PTPRO: variants seen among roughly 807,000 people sequenced by gnomAD.
PTPRO encodes the protein receptor-type tyrosine-protein phosphatase O.
A neutral mutation model predicts 145.2 loss-of-function variants in PTPRO; 62 were observed. The ratio of observed to expected loss-of-function variants is 0.43; its 90% confidence interval spans 0.35 to 0.53. The LOEUF (loss-of-function observed/expected upper bound fraction) is 0.53, where lower values mean the gene tolerates loss of function less well. Ranked by LOEUF, PTPRO falls within the 20% of genes least tolerant of loss-of-function variation. The pLI, the probability that PTPRO is intolerant of heterozygous loss-of-function variation, is 0.01. For missense variants in PTPRO, 1,345 were observed against 1,482.7 expected (o/e 0.91, Z 1.53); for synonymous variants, 565 against 514.7 (o/e 1.10, Z -1.32).
chr12:15,557,384 C>T, intron 15 of PTPRO, 71 bp from the exon 16 acceptor site: 1 of 1,347,812 alleles, frequency 7.4e-7, no homozygotes, highest in East Asian at 2.3e-5. Flanking sequence ...TAAAGACTCT[C>T]TTTACTTTTA....
intron 12 of PTPRO, among the ~76,000 whole-genome samples, chr12:15,528,698 C>T (rs1440944738): frequency 6.6e-6 from 1 of 151,836 alleles, no homozygotes; most frequent in Admixed American, 6.6e-5. Context: ...CAAACAGATA[C>T]CACTCAAATA....
intron 1 of PTPRO, among the ~76,000 whole-genome samples, chr12:15,353,514 C>T (rs557756270): frequency 8.9e-4 from 136 of 152,076 alleles, no homozygotes; most frequent in African/African-American, 3.0e-3. Context: ...CAAATCAGGA[C>T]GATAAGTTGG....
intron 1 of PTPRO, among the ~76,000 whole-genome samples, chr12:15,413,894 GCATTCCT>G (rs1310135090): frequency 1.3e-5 from 2 of 152,002 alleles, no homozygotes; most frequent in Non-Finnish European, 2.9e-5. Flanking sequence ...TTTGAGCAAA[GCATTCCT>G]CAGCTAAAAA....
At chr12:15,421,948 C>T (rs896242035) in intron 1 of PTPRO, among the ~76,000 whole-genome samples, 3 of 151,204 alleles carry the variant, frequency 2.0e-5, no homozygotes, top group African/African-American at 7.3e-5. Flanking sequence ...ATACCTGATA[C>T]ATGAAAAGAA....
At chr12:15,419,757 T>G (rs1273721538) in intron 1 of PTPRO, among the ~76,000 whole-genome samples, 2 of 149,122 alleles carry the variant, frequency 1.3e-5, no homozygotes, top group African/African-American at 5.0e-5. Context: ...CCAGAGAAAA[T>G]AGAGGTAATC....
At chr12:15,477,603 G>C (rs1235953049) in intron 1 of PTPRO, among the ~76,000 whole-genome samples, 1 of 152,138 alleles carries the variant, frequency 6.6e-6, no homozygotes, top group African/African-American at 2.4e-5. Context: ...CACTGGGTTA[G>C]CTGTAGCAGC....
At chr12:15,446,367 T>C (rs923623196) in intron 1 of PTPRO, among the ~76,000 whole-genome samples, 26 of 152,106 alleles carry the variant, frequency 1.7e-4, no homozygotes, top group Non-Finnish European at 3.4e-4. Flanking sequence ...CCCTGCCCTG[T>C]CCACAAAAGA....
At chr12:15,470,958 A>G in intron 1 of PTPRO, among the ~76,000 whole-genome samples, 1 of 152,104 alleles carries the variant, frequency 6.6e-6, no homozygotes, top group East Asian at 1.9e-4. Flanking sequence ...ATGTTCTTAA[A>G]CAGTGCATGT....
At chr12:15,340,057 C>T (rs1021723003) in intron 1 of PTPRO, among the ~76,000 whole-genome samples, 4 of 152,174 alleles carry the variant, frequency 2.6e-5, no homozygotes, top group African/African-American at 7.2e-5. Context: ...GGAGATGATA[C>T]TGATGATCCC....
intron 12 of PTPRO, among the ~76,000 whole-genome samples, chr12:15,544,174 A>G (rs544477899): frequency 2.0e-5 from 3 of 152,264 alleles, no homozygotes; most frequent in South Asian, 4.2e-4. Flanking sequence ...TGTGATCACA[A>G]AAGTCTAGAC....
At chr12:15,594,239 C>G (rs191228672) in intron 25 of PTPRO, among the ~76,000 whole-genome samples, 50 of 152,072 alleles carry the variant, frequency 3.3e-4, no homozygotes, top group African/African-American at 8.9e-4. Context: ...TTAGAAATTC[C>G]TTTCCTAAAG....
intron 1 of PTPRO, among the ~76,000 whole-genome samples, chr12:15,379,185 A>G (rs1423120223): frequency 6.6e-6 from 1 of 152,072 alleles, no homozygotes; most frequent in African/African-American, 2.4e-5. Context: ...GAATATTCAC[A>G]GCATATTTTT....
chr12:15,347,784 G>A (rs958808512), intron 1 of PTPRO, among the ~76,000 whole-genome samples: 1 of 152,144 alleles, frequency 6.6e-6, no homozygotes, highest in African/African-American at 2.4e-5. Flanking sequence ...AATTCATCTG[G>A]TCTATTTAGT....
At chr12:15,490,343 G>A (rs1941974725) in intron 2 of PTPRO, among the ~76,000 whole-genome samples, 1 of 151,972 alleles carries the variant, frequency 6.6e-6, no homozygotes, top group African/African-American at 2.4e-5. Flanking sequence ...ATGCTTTGAG[G>A]GCCATACAGA....
At chr12:15,504,685 G>C (rs937426328) in intron 6 of PTPRO, among the ~76,000 whole-genome samples, 2 of 152,146 alleles carry the variant, frequency 1.3e-5, no homozygotes, top group African/African-American at 4.8e-5. Context: ...ATGTTTACTG[G>C]AAGTATAGAG....
chr12:15,457,047 AG>A, intron 1 of PTPRO, among the ~76,000 whole-genome samples: 1 of 152,164 alleles, frequency 6.6e-6, no homozygotes, highest in East Asian at 1.9e-4. Context: ...GTGTAAAATT[AG>A]GTTGTTTACT....
intron 1 of PTPRO, among the ~76,000 whole-genome samples, chr12:15,391,910 A>T (rs1044660903): frequency 6.6e-6 from 1 of 152,090 alleles, no homozygotes; most frequent in African/African-American, 2.4e-5. Context: ...TATTTTAGCT[A>T]CTCCAGACAG....
chr12:15,589,300 C>T lies in PTPRO; in HGVS notation c.3411-155C>T, dbSNP rs147188844. Among the ~76,000 whole-genome samples the T allele has an allele frequency of 6.3e-3, 956 of 151,344 alleles. 3 individuals are homozygous for T. Among genetic ancestry groups the T allele is most frequent in the Middle Eastern group, 0.045 (13 of 292 alleles). ...GTGAGGCAGGAGAATCACTTGAAGCCGAGAGGCAGAGGTTGCAGTGAGCCG... is the reference window on the plus strand; with the variant it reads ...GTGAGGCAGGAGAATCACTTGAAGCTGAGAGGCAGAGGTTGCAGTGAGCCG... On this transcript the variant is annotated intron_variant, in intron 24 of 26. Coordinates refer to ENST00000281171, the MANE Select transcript of PTPRO (RefSeq NM_030667.3).
intron 13 of PTPRO, 54 bp downstream of exon 13, chr12:15,546,762 T>A: frequency 6.3e-7 from 1 of 1,597,334 alleles, no homozygotes; most frequent in Non-Finnish European, 8.6e-7. Context: ...AGGCTAATTA[T>A]CTGGGCAAAA....
Sources: allele counts gnomAD v4.1 joint callset (sites outside exome capture counted in the v4.1 genomes callset), GRCh38; gene constraint gnomAD v4.1.1; transcripts MANE v1.5; gene names NCBI Gene and HGNC (gene_info 2026-07-23, HGNC 2026-07-21).